The following DRD2 variants were observed in gnomAD, a reference collection of about 807,000 sequenced individuals.
DRD2 encodes D(2) dopamine receptor.
In DRD2, 8 loss-of-function variants were observed where a neutral mutation model predicts 38.0. That is an observed-to-expected ratio of 0.21 (90% confidence interval 0.12 to 0.38). The LOEUF (loss-of-function observed/expected upper bound fraction) is 0.38. DRD2 is among the 10% of genes least tolerant of loss of function. The probability of loss-of-function intolerance (pLI) is 1.00; values close to 1 mark genes in which losing one functional copy is unlikely to be tolerated. For synonymous variants in DRD2, 230 were observed against 238.6 expected (o/e 0.96, Z 0.33); for missense variants, 403 against 607.7 (o/e 0.66, Z 3.54).
intron 1 of DRD2, among the ~76,000 whole-genome samples, chr11:113,457,999 C>A (rs1235141878): frequency 3.9e-5 from 6 of 152,248 alleles, no homozygotes; most frequent in African/African-American, 1.4e-4. Flanking sequence ...AAGATCTGTG[C>A]CCTCCTGGGT....
chr11:113,411,125 C>T (rs936213749), intron 7 of DRD2, among the ~76,000 whole-genome samples: 12 of 152,114 alleles, frequency 7.9e-5, no homozygotes, highest in South Asian at 4.1e-4. Context: ...TTCAGCCTCA[C>T]TTCCCTCATT....
chr11:113,417,748 G>A (rs1246908608), intron 3 of DRD2, among the ~76,000 whole-genome samples: 1 of 152,210 alleles, frequency 6.6e-6, no homozygotes, highest in East Asian at 1.9e-4. Flanking sequence ...TAGAGCTAGG[G>A]CTTCCGTCAG....
chr11:113,416,820 C>A (rs908309994), intron 4 of DRD2, 43 bp downstream of exon 4: 2 of 1,607,502 alleles, frequency 1.2e-6, no homozygotes, highest in African/African-American at 1.3e-5. Context: ...GGAGCAGGGG[C>A]CCAGGGCCAG....
At chr11:113,457,053 C>T (rs1207207073) in intron 1 of DRD2, among the ~76,000 whole-genome samples, 3 of 152,136 alleles carry the variant, frequency 2.0e-5, no homozygotes, top group Non-Finnish European at 4.4e-5. Flanking sequence ...ACCATAGGAG[C>T]CACCAGGCTG....
rs1036276036 is a variant in DRD2 at position 113,416,242 on chromosome 11, C to T, written c.532+621G>A. Among the ~76,000 whole-genome samples, 9 of 152,314 alleles carry T rather than the reference C, an allele frequency of 5.9e-5. No homozygotes were observed. The Middle Eastern group carries it at 0.01, about 173-fold the overall frequency. ...GGCTTCACTGTATCTTTTGTTGTTA[C>T]GATCTCCAGAGGTGCACACCTGCCA... is the stretch of plus-strand genomic sequence containing the variant. On this transcript the variant is annotated intron_variant, in intron 4 of 7. Coordinates refer to ENST00000362072, the MANE Select transcript of DRD2 (RefSeq NM_000795.4).
intron 1 of DRD2, among the ~76,000 whole-genome samples, chr11:113,426,652 C>A (rs905441969): frequency 6.6e-6 from 1 of 152,164 alleles, no homozygotes. Context: ...GTCTGACACA[C>A]CCACTCTTCC....
intron 1 of DRD2, among the ~76,000 whole-genome samples, chr11:113,454,738 A>G (rs1951251916): frequency 6.6e-6 from 1 of 152,240 alleles, no homozygotes; most frequent in Admixed American, 6.5e-5. Flanking sequence ...TAGATAGAGA[A>G]AACGTGGTAT....
At chr11:113,460,210 C>G (rs914247859) in intron 1 of DRD2, among the ~76,000 whole-genome samples, 2 of 152,232 alleles carry the variant, frequency 1.3e-5, no homozygotes, top group African/African-American at 4.8e-5. Flanking sequence ...GCTCCAGGGT[C>G]GAAGCTGCCA....
In DRD2 at chr11:113,446,021, C is replaced by CTGGCCCAGTAAGTTT. The variant is rs1328380772; in HGVS notation, c.-31-21354_-31-21340dup. ...GAGTTCCAGTGAGTTGCCTGTTGTC[C>CTGGCCCAGTAAGTTT]TGGCCCAGTAAGTTTTTCTCTGTGT... On this transcript the variant is annotated intron_variant, in intron 1 of 7. Coordinates refer to ENST00000362072, the MANE Select transcript of DRD2 (RefSeq NM_000795.4). Among the ~76,000 whole-genome samples the CTGGCCCAGTAAGTTT allele has an allele frequency of 4.6e-5, 7 of 152,274 alleles. No homozygotes were observed. In the East Asian group the frequency reaches 9.7e-4, roughly 21 times the overall value.
At chr11:113,468,656 T>C (rs1276637472) in intron 1 of DRD2, among the ~76,000 whole-genome samples, 1 of 152,208 alleles carries the variant, frequency 6.6e-6, no homozygotes, top group African/African-American at 2.4e-5. Context: ...CAAGCAATTT[T>C]CCTGCCTCAG....
intron 1 of DRD2, among the ~76,000 whole-genome samples, chr11:113,448,958 C>T (rs1951183292): frequency 6.6e-6 from 1 of 152,234 alleles, no homozygotes; most frequent in African/African-American, 2.4e-5. Context: ...AAGTCCACCT[C>T]CCAAAGCCAT....
At chr11:113,416,748 G>T in intron 4 of DRD2, 115 bp downstream of exon 4, 2 of 1,448,028 alleles carry the variant, frequency 1.4e-6, no homozygotes, top group African/African-American at 1.4e-5. Flanking sequence ...GTAGTGATAG[G>T]CCTCCATTGG....
rs1441877943 is a variant in DRD2, at chr11:113,410,876, G to A, written c.1183C>T (p.Leu395=). 2 of 1,612,748 alleles carry A rather than the reference G, an allele frequency of 1.2e-6. No homozygotes were observed. The highest frequency in any genetic ancestry group is 1.3e-5 in the African/African-American group (1 of 75,016). Residue 395 remains leucine (L), a synonymous_variant, in exon 8 of 8, where the codon CTG becomes TTG. Coordinates refer to ENST00000362072, the MANE Select transcript of DRD2 (RefSeq NM_000795.4). ...CWLPFFITHI[L]NIHCDCNIPP... ...ATGTTGCAGTCACAGTGTATGTTCA[G>A]GATGTGTGTGATGAAGAAGGGCAGC...
In DRD2 at chr11:113,412,872, C is replaced by G; in HGVS notation, c.822G>C (p.Arg274=). The part of the protein sequence containing the change: ...PVNRRRVEAA[R]RAQELEMEML... ...TCTCCATCTCCAGCTCCTGGGCTCGCCGGGCAGCCTCCTGCACCAGAGGCA... is the reference window on the plus strand; with the variant it reads ...TCTCCATCTCCAGCTCCTGGGCTCGGCGGGCAGCCTCCTGCACCAGAGGCA... The change falls in exon 7 of 8, where the codon CGG becomes CGC. Residue 274 remains arginine (R), a synonymous_variant. Coordinates refer to ENST00000362072, the MANE Select transcript of DRD2 (RefSeq NM_000795.4). 6.2e-7 allele frequency: 1 copy of G among 1,611,454 alleles called. No homozygotes were observed. Among genetic ancestry groups the G allele is most frequent in the Admixed American group, 1.7e-5 (1 of 59,988 alleles).
At position 113,410,003 on chromosome 11, in the gene DRD2, AG is replaced by A. The variant is rs1257898413; in HGVS notation, c.*723del. 6.5e-6 allele frequency: 1 copy of A among 153,200 alleles called. No individual in the cohort carries two copies. Among genetic ancestry groups the A allele is most frequent in the Non-Finnish European group, 1.5e-5 (1 of 68,880 alleles). The allele number at this position is 153,200 out of a possible 1,614,324, so 9.5% of individuals were successfully genotyped here. On this transcript the variant is annotated 3_prime_UTR_variant, in exon 8 of 8. Transcript: ENST00000362072. ...CATTGCAGGGCCGTCAGAAGGCAGCAGGGTGGGCTAGGCCAAGGAGTTCCTC... is the reference window on the plus strand; with the variant it reads ...CATTGCAGGGCCGTCAGAAGGCAGCAGGTGGGCTAGGCCAAGGAGTTCCTC...
chr11:113,425,548 G>A (rs953094178), intron 1 of DRD2, among the ~76,000 whole-genome samples: 2 of 152,176 alleles, frequency 1.3e-5, no homozygotes, highest in Non-Finnish European at 2.9e-5. Context: ...GGAACCACAT[G>A]ATCAGATTCG....
chr11:113,472,526 G>A (rs1951439193), intron 1 of DRD2, among the ~76,000 whole-genome samples: 1 of 152,156 alleles, frequency 6.6e-6, no homozygotes, highest in South Asian at 2.1e-4. Flanking sequence ...ATCCACCTTT[G>A]TAGGTGAAGG....
At chr11:113,455,947 A>G (rs1951264758) in intron 1 of DRD2, among the ~76,000 whole-genome samples, 1 of 152,238 alleles carries the variant, frequency 6.6e-6, no homozygotes, top group Non-Finnish European at 1.5e-5. Context: ...TGTGTCTCCA[A>G]AGGAACTAAG....
At chr11:113,461,888 G>A (rs1036604160) in intron 1 of DRD2, among the ~76,000 whole-genome samples, 7 of 152,078 alleles carry the variant, frequency 4.6e-5, no homozygotes, top group East Asian at 3.9e-4. Context: ...TAACATGCAC[G>A]CCCAATCACC....
Sources: allele counts gnomAD v4.1 joint callset (sites outside exome capture counted in the v4.1 genomes callset), GRCh38; gene constraint gnomAD v4.1.1; transcripts MANE v1.5; gene names NCBI Gene and HGNC (gene_info 2026-07-23, HGNC 2026-07-21).